LRRC7: variants seen among roughly 807,000 people sequenced by gnomAD.
LRRC7 encodes the protein leucine rich repeat containing 7.
A neutral mutation model predicts 175.7 loss-of-function variants in LRRC7; 23 were observed. The ratio of observed to expected loss-of-function variants is 0.13; its 90% CI spans 0.09 to 0.19. LRRC7 has a LOEUF of 0.19. Among genes scored for constraint, LRRC7 ranks in the 10% least tolerant of loss-of-function variants. The pLI, the probability that LRRC7 is intolerant of heterozygous loss-of-function variation, is 1.00. For missense variants in LRRC7, 1,354 were observed against 1,904.7 expected, an observed-to-expected ratio of 0.71 and a Z score of 5.38; for synonymous variants, 685 against 680.9, an observed-to-expected ratio of 1.01 and a Z score of -0.09.
intron 18 of LRRC7, among the ~76,000 whole-genome samples, chr1:70,035,402 C>T (rs998165656): frequency 6.6e-6 from 1 of 151,784 alleles, no homozygotes; most frequent in Non-Finnish European, 1.5e-5. Context: ...AAGTTATAGT[C>T]GTGTATCGAT....
chr1:69,834,755 G>T, intron 5 of LRRC7, 25 bp from the exon 6 acceptor site: 1 of 1,563,268 alleles, frequency 6.4e-7, no homozygotes, highest in South Asian at 1.1e-5. Flanking sequence ...TCAATGCAGT[G>T]ACTAAAACTT....
At chr1:69,942,617 C>T (rs1648843742) in intron 8 of LRRC7, among the ~76,000 whole-genome samples, 1 of 151,852 alleles carries the variant, frequency 6.6e-6, no homozygotes, top group African/African-American at 2.4e-5. Flanking sequence ...CTTACGTGGC[C>T]CCTTCCTCAC....
intron 2 of LRRC7, among the ~76,000 whole-genome samples, chr1:69,683,551 T>A (rs1660756259): frequency 6.6e-6 from 1 of 152,070 alleles, no homozygotes. Flanking sequence ...GTTGATCATA[T>A]TCAGTGATAA....
chr1:69,698,292 A>T (rs1363347206), intron 2 of LRRC7, among the ~76,000 whole-genome samples: 1 of 151,596 alleles, frequency 6.6e-6, no homozygotes, highest in Non-Finnish European at 1.5e-5. Context: ...TATTCAAGGC[A>T]CATAATCTCA....
At chr1:69,790,995 T>C (rs1675044703) in intron 3 of LRRC7, among the ~76,000 whole-genome samples, 1 of 152,030 alleles carries the variant, frequency 6.6e-6, no homozygotes. Flanking sequence ...TGTTTTTGCC[T>C]GTAAATAACG....
rs774551120 is a variant in LRRC7 at position 70,038,644 on chromosome 1, C to T, written c.2820C>T (p.Asn940=). ...GGGAGTATCATGATTCCAATCCCAACAGGAGTCTTAGTAATGTCTTTTCTC... is the reference window on the plus strand; with the variant it reads ...GGGAGTATCATGATTCCAATCCCAATAGGAGTCTTAGTAATGTCTTTTCTC... ...VPWEYHDSNP[N]RSLSNVFSQI... is the part of the protein sequence containing the mutation. Residue 940 remains asparagine (N), a synonymous_variant, in exon 21 of 27, where the codon AAC becomes AAT. Transcript: ENST00000651989. 2.5e-6 allele frequency: 4 copies of T among 1,614,128 alleles called. No homozygotes were observed. In the East Asian group the frequency reaches 6.7e-5, roughly 27 times the overall value.
intron 7 of LRRC7, among the ~76,000 whole-genome samples, chr1:69,907,800 CT>C (rs1190827121): frequency 1.3e-5 from 2 of 152,090 alleles, no homozygotes; most frequent in African/African-American, 4.8e-5. Flanking sequence ...AGGATTCCCT[CT>C]TTTTCTATTG....
chr1:69,749,523 A>C (rs546543220), intron 2 of LRRC7, among the ~76,000 whole-genome samples: 2 of 152,354 alleles, frequency 1.3e-5, no homozygotes, highest in East Asian at 1.9e-4. Context: ...TAAATAAATT[A>C]AAGAGTGAGA....
At chr1:69,839,000 G>T in intron 7 of LRRC7, 1 of 245,022 alleles carries the variant, frequency 4.1e-6, no homozygotes, top group Non-Finnish European at 8.4e-6. Flanking sequence ...ACTTGTATAT[G>T]TTATGATGAA....
intron 1 of LRRC7, among the ~76,000 whole-genome samples, chr1:69,609,338 ATAT>A (rs1428255755): frequency 2.6e-5 from 4 of 152,226 alleles, no homozygotes; most frequent in African/African-American, 9.6e-5. Context: ...GTTAATCTAT[ATAT>A]TATTCTAATC....
At chr1:69,662,247 C>T (rs1657577806) in intron 1 of LRRC7, among the ~76,000 whole-genome samples, 1 of 149,760 alleles carries the variant, frequency 6.7e-6, no homozygotes, top group African/African-American at 2.4e-5. Context: ...ACATTTATTG[C>T]TAAAACCATT....
intron 1 of LRRC7, among the ~76,000 whole-genome samples, chr1:69,595,526 A>G (rs1646807745): frequency 6.6e-6 from 1 of 152,238 alleles, no homozygotes; most frequent in African/African-American, 2.4e-5. Context: ...GCCTTCAGCC[A>G]CTACTGAAAC....
intron 24 of LRRC7, among the ~76,000 whole-genome samples, chr1:70,088,908 A>G (rs1298964024): frequency 6.6e-6 from 1 of 152,174 alleles, no homozygotes; most frequent in Non-Finnish European, 1.5e-5. Context: ...CCCCCATACT[A>G]CTATAAAACA....
At chr1:69,880,251 C>T (rs1187372457) in intron 7 of LRRC7, among the ~76,000 whole-genome samples, 1 of 152,176 alleles carries the variant, frequency 6.6e-6, no homozygotes. Context: ...CTGCAAGATG[C>T]TCTCAAATAA....
At chr1:69,944,786 T>C (rs955253447) in intron 8 of LRRC7, among the ~76,000 whole-genome samples, 1 of 152,040 alleles carries the variant, frequency 6.6e-6, no homozygotes, top group Admixed American at 6.6e-5. Context: ...TTTTTTCTTA[T>C]ACCTGTGGGT....
At chr1:69,698,158 C>T (rs78286239) in intron 2 of LRRC7, among the ~76,000 whole-genome samples, 398 of 152,274 alleles carry the variant, frequency 2.6e-3, no homozygotes, top group African/African-American at 7.9e-3. Flanking sequence ...TATAACTATC[C>T]GCAAGCTCTG....
intron 1 of LRRC7, among the ~76,000 whole-genome samples, chr1:69,573,190 C>G (rs1197316320): frequency 6.6e-6 from 1 of 152,174 alleles, no homozygotes; most frequent in Non-Finnish European, 1.5e-5. Context: ...TCAGAGACAG[C>G]AAGTGGCAAA....
chr1:70,007,380 TG>T (rs1177179998), intron 11 of LRRC7, among the ~76,000 whole-genome samples: 1 of 152,178 alleles, frequency 6.6e-6, no homozygotes, highest in Non-Finnish European at 1.5e-5. Flanking sequence ...TCTGAAACTG[TG>T]CAAAACAGTC....
chr1:69,703,724 A>G lies in LRRC7; in HGVS notation c.100+25246A>G, dbSNP rs553988436. 5.7e-4 allele frequency among the ~76,000 whole-genome samples: 86 copies of G among 152,128 alleles called. 1 individual carries two copies. Among genetic ancestry groups the G allele is most frequent in the African/African-American group, 2.0e-3 (84 of 41,562 alleles). On this transcript the variant is annotated intron_variant, in intron 2 of 26. Coordinates refer to ENST00000651989, the MANE Select transcript of LRRC7 (RefSeq NM_001370785.2). ...TAAGTATGTTTGCCGGTGTGTGTAC[A>G]TATAGCATGTATATGATGTTTATAT...
Sources: allele counts gnomAD v4.1 joint callset (sites outside exome capture counted in the v4.1 genomes callset), GRCh38; gene constraint gnomAD v4.1.1; transcripts MANE v1.5; gene names NCBI Gene and HGNC (gene_info 2026-07-23, HGNC 2026-07-21).